The following PHF20 variants were observed in gnomAD, a reference collection of about 807,000 sequenced individuals.
PHF20 encodes glioma-expressed antigen 2.
Under a neutral mutation model 113.5 loss-of-function variants are expected in PHF20, and 23 were observed. The observed-to-expected ratio is 0.20, with a 90% confidence interval of 0.15 to 0.29. PHF20 has a LOEUF of 0.29. Ranked by LOEUF, PHF20 falls within the 10% of genes least tolerant of loss-of-function variation. The pLI is 1.00. For synonymous variants in PHF20, 434 were observed against 457.3 expected (o/e 0.95, Z 0.65); for missense variants, 943 against 1,219.6 (o/e 0.77, Z 3.38).
intron 10 of PHF20, among the ~76,000 whole-genome samples, chr20:35,909,755 A>G (rs1413769427): frequency 1.3e-5 from 2 of 152,164 alleles, no homozygotes; most frequent in African/African-American, 4.8e-5. Context: ...AACTCTGCCT[A>G]TAGATTCCAG....
At chr20:35,889,114 C>G (rs1285301268) in intron 9 of PHF20, among the ~76,000 whole-genome samples, 1 of 146,782 alleles carries the variant, frequency 6.8e-6, no homozygotes, top group African/African-American at 2.5e-5. Context: ...CCTCTGGGCT[C>G]AAGCGATTCT....
chr20:35,914,411 A>G (rs370690729), intron 12 of PHF20, among the ~76,000 whole-genome samples: 1 of 152,242 alleles, frequency 6.6e-6, no homozygotes, highest in African/African-American at 2.4e-5. Context: ...AAAACAATGC[A>G]TATACCTTAA....
At chr20:35,889,009 C>CTTTTTTTTTTTTTTTTTTTTTTTT (rs566960589) in intron 9 of PHF20, among the ~76,000 whole-genome samples, 1 of 99,204 alleles carries the variant, frequency 1.0e-5, no homozygotes, top group Non-Finnish European at 2.1e-5. Flanking sequence ...CTCTTAGTTT[C>CTTTTTTTTTTTTTTTTTTTTTTTT]TTTTTTTTTT....
intron 2 of PHF20, among the ~76,000 whole-genome samples, chr20:35,824,571 C>A (rs1448495277): frequency 6.6e-6 from 1 of 151,392 alleles, no homozygotes; most frequent in Non-Finnish European, 1.5e-5. Context: ...CACGCCATTG[C>A]ACTCCAGCCT....
intron 10 of PHF20, 120 bp downstream of exon 10, chr20:35,899,768 C>G: frequency 9.6e-7 from 1 of 1,040,332 alleles, no homozygotes; most frequent in South Asian, 1.6e-5. Flanking sequence ...TCCCACAGGA[C>G]TGAACATATT....
rs556858221 is a variant in PHF20, at chr20:35,876,873, G to A, written c.1282+5044G>A. On this transcript the variant is annotated intron_variant, in intron 9 of 17. Transcript: ENST00000374012. ...TGTAATCCCAGCACTTTGGGAGGCC[G>A]AGGCAGGCGGATCACAAGGTCAGGA... Among the ~76,000 whole-genome samples the A allele has an allele frequency of 1.8e-3, 272 of 151,984 alleles. 1 individual carries two copies. Among genetic ancestry groups the A allele is most frequent in the African/African-American group, 6.2e-3 (259 of 41,468 alleles).
Position 35,801,476 on chromosome 20 carries a change from A to T in PHF20, c.-32-15A>T. The T allele has an allele frequency of 7.4e-7, 1 of 1,356,408 alleles. No homozygotes were observed. The highest frequency in any genetic ancestry group is 1.1e-6 in the Non-Finnish European group (1 of 951,906). The allele number at this position is 1,356,408 out of a possible 1,614,324, so 84.0% of individuals were successfully genotyped here. On this transcript the variant is annotated splice_polypyrimidine_tract_variant and intron_variant, in intron 1 of 17. Transcript: ENST00000374012. ...CTTTGCCTAAGTTTCATAAATATTT[A>T]ATTGGCTTTTTCAGGAGAATAAAGG...
intron 2 of PHF20, among the ~76,000 whole-genome samples, chr20:35,829,263 A>G (rs2042316180): frequency 6.6e-6 from 1 of 152,220 alleles, no homozygotes; most frequent in Non-Finnish European, 1.5e-5. Flanking sequence ...AATCATTTTT[A>G]GGTGTGCAGT....
rs11908142 is a variant in PHF20 at position 35,920,256 on chromosome 20, G to A, written c.2004+2594G>A. Among the ~76,000 whole-genome samples the A allele has an allele frequency of 5.3e-3, 810 of 152,214 alleles. 9 individuals are homozygous for A. Among genetic ancestry groups the A allele is most frequent in the African/African-American group, 0.019 (777 of 41,528 alleles). ...TTTTGAGAGAGGCCTTTTTTACTCTGTATAATATCCTTGAGATTCATCCAT... is the reference window on the plus strand; with the variant it reads ...TTTTGAGAGAGGCCTTTTTTACTCTATATAATATCCTTGAGATTCATCCAT... On this transcript the variant is annotated intron_variant, in intron 13 of 17. Coordinates refer to ENST00000374012, the MANE Select transcript of PHF20 (RefSeq NM_016436.5).
intron 13 of PHF20, among the ~76,000 whole-genome samples, chr20:35,921,278 G>A (rs538969085): frequency 2.0e-5 from 3 of 152,030 alleles, no homozygotes; most frequent in South Asian, 2.1e-4. Flanking sequence ...GTGTGGTGGC[G>A]GGCTTCATTG....
rs762958475 is a variant in PHF20, at chr20:35,914,100, T to C, written c.1728T>C (p.Val576=). 6.2e-7 allele frequency: 1 copy of C among 1,614,170 alleles called. No homozygotes were observed. The highest frequency in any genetic ancestry group is 8.5e-7 in the Non-Finnish European group (1 of 1,180,024). Residue 576 remains valine (V), a synonymous_variant, in exon 12 of 18, where the codon GTT becomes GTC. Transcript: ENST00000374012. ...QEPSPPKAFA[V]TRCGSSHKPG... ...CTTCTCCACCCAAGGCATTTGCTGT[T>C]ACCAGGTGTGGGTCCTCACACAAGC... is the stretch of plus-strand genomic sequence containing the variant.
chr20:35,790,113 T>C (rs1703658728), intron 1 of PHF20, among the ~76,000 whole-genome samples: 1 of 151,794 alleles, frequency 6.6e-6, no homozygotes, highest in Non-Finnish European at 1.5e-5. Flanking sequence ...CGCCTCTGCC[T>C]CCTAAAATGC....
intron 10 of PHF20, 137 bp from the exon 11 acceptor site, chr20:35,913,112 G>T: frequency 3.8e-6 from 2 of 525,620 alleles, no homozygotes; most frequent in South Asian, 1.9e-5. Flanking sequence ...GCGTGGCTCT[G>T]CCTCCAGACT....
At chr20:35,895,710 G>A (rs1264413199) in intron 9 of PHF20, among the ~76,000 whole-genome samples, 1 of 119,130 alleles carries the variant, frequency 8.4e-6, no homozygotes, top group Non-Finnish European at 1.6e-5. Flanking sequence ...TTTTGAGACA[G>A]AGTTTCACTC....
intron 4 of PHF20, chr20:35,853,117 G>A (rs2146954881): frequency 6.6e-6 from 1 of 150,388 alleles, no homozygotes; most frequent in Admixed American, 6.6e-5. Flanking sequence ...AGCTACTCGG[G>A]AGGCTGAGGC....
intron 4 of PHF20, among the ~76,000 whole-genome samples, chr20:35,852,752 C>T (rs1473364067): frequency 6.6e-6 from 1 of 151,934 alleles, no homozygotes; most frequent in East Asian, 2.0e-4. Context: ...GTGTGTGCCA[C>T]CACGCCTGGC....
At chr20:35,881,412 G>A (rs1342680636) in intron 9 of PHF20, among the ~76,000 whole-genome samples, 2 of 151,610 alleles carry the variant, frequency 1.3e-5, no homozygotes, top group African/African-American at 2.4e-5. Flanking sequence ...ATGGTGGTGT[G>A]CGCCTGTAAT....
At position 35,871,012 on chromosome 20, in the gene PHF20, G is replaced by A. The variant is rs1183160549; in HGVS notation, c.980G>A (p.Arg327His). 1.2e-5 allele frequency: 19 copies of A among 1,610,764 alleles called. No individual in the cohort carries two copies. Among genetic ancestry groups the A allele is most frequent in the Non-Finnish European group, 1.4e-5 (16 of 1,179,246 alleles). ...ENTDKDLSRR[R>H]SSRLSTNGTH... ...ACTGACAAAGACTTATCGAGGAGAC[G>A]TTCCTCCAGGCTGTCCACTAATGGG... The change falls in exon 8 of 18, where the codon CGT becomes CAT. Residue 327 changes from arginine to histidine, a missense_variant. Around this residue, in one of 3 missense-constraint regions of PHF20, gnomAD observed 592 missense variants for 787.2 expected, o/e 0.75. Coordinates refer to ENST00000374012, the MANE Select transcript of PHF20 (RefSeq NM_016436.5).
intron 2 of PHF20, among the ~76,000 whole-genome samples, chr20:35,841,496 G>A (rs1453659670): frequency 5.3e-5 from 8 of 152,094 alleles, no homozygotes; most frequent in Non-Finnish European, 1.2e-4. Context: ...ATAAGGCTGG[G>A]CACGGTGGCT....
Sources: gnomAD v4.1 joint callset for allele counts (sites outside exome capture counted in the v4.1 genomes callset) on GRCh38, gnomAD v4.1.1 for gene constraint, gnomAD v4.1.1 regional missense constraint, MANE v1.5 for transcripts, NCBI Gene and HGNC (gene_info 2026-07-23, HGNC 2026-07-21) for gene names.